The following HCK variants were observed in gnomAD, a reference collection of about 807,000 sequenced individuals.
HCK encodes the protein tyrosine-protein kinase HCK.
In HCK, 40 loss-of-function variants were observed where a neutral mutation model predicts 70.4. The ratio of observed to expected loss-of-function variants is 0.57; its 90% CI spans 0.44 to 0.74. The LOEUF is 0.74. Among genes scored for constraint, HCK ranks in the 30% least tolerant of loss-of-function variants. HCK has a pLI of 0.00. For missense variants in HCK, 568 were observed against 697.2 expected (o/e 0.81, Z 2.09); for synonymous variants, 245 against 263.2 (o/e 0.93, Z 0.67).
chr20:32,069,808 G>A, intron 1 of HCK: 1 of 1,220,742 alleles, frequency 8.2e-7, no homozygotes, highest in South Asian at 1.3e-5. Context: ...ACTCATCTAA[G>A]CCTAGGAGTT....
intron 1 of HCK, among the ~76,000 whole-genome samples, chr20:32,071,414 G>A (rs113954151): frequency 1.3e-5 from 2 of 152,360 alleles, no homozygotes; most frequent in African/African-American, 4.8e-5. Flanking sequence ...TGGTACCCAC[G>A]ACAATGACAG....
chr20:32,054,391 C>T (rs948482525), intron 1 of HCK: 2 of 430,730 alleles, frequency 4.6e-6, no homozygotes, highest in Admixed American at 5.0e-5. Context: ...AGGAGAATCG[C>T]TTGAACCCGG....
rs112680409 is a variant in HCK, at chr20:32,080,619, G to A, written c.532+742G>A. On this transcript the variant is annotated intron_variant, in intron 6 of 12. Coordinates refer to ENST00000375852, the MANE Select transcript of HCK (RefSeq NM_002110.5). The stretch of plus-strand genomic sequence containing the variant: ...AATGATTCTCCCATCTCAGTCTCCC[G>A]AGTAGCTGGGACTACAGGTACGTGC... Among the ~76,000 whole-genome samples, 898 of 152,172 alleles carry A rather than the reference G, an allele frequency of 5.9e-3. 12 individuals are homozygous for A. The highest frequency in any genetic ancestry group is 0.021 in the African/African-American group (861 of 41,512).
intron 1 of HCK, among the ~76,000 whole-genome samples, chr20:32,061,709 C>G (rs995221886): frequency 6.6e-6 from 1 of 152,086 alleles, no homozygotes; most frequent in Non-Finnish European, 1.5e-5. Context: ...AGAAACAGAA[C>G]ATGCAATGCC....
chr20:32,097,899 A>C (rs149047829), intron 11 of HCK, among the ~76,000 whole-genome samples: 1 of 152,232 alleles, frequency 6.6e-6, no homozygotes, highest in African/African-American at 2.4e-5. Context: ...TAACTATGCC[A>C]GGTGCGGTGG....
chr20:32,074,824 C>A, intron 5 of HCK, 103 bp downstream of exon 5: 1 of 774,412 alleles, frequency 1.3e-6, no homozygotes, highest in Non-Finnish European at 2.2e-6. Flanking sequence ...CTGGCACATA[C>A]TCTTCCCAGG....
intron 9 of HCK, 104 bp downstream of exon 9, chr20:32,086,911 C>A: frequency 1.9e-6 from 2 of 1,037,482 alleles, no homozygotes; most frequent in Non-Finnish European, 2.7e-6. Context: ...TGGCCCCAAT[C>A]TGGCCAGGAG....
chr20:32,061,246 T>G (rs1375625926), intron 1 of HCK, among the ~76,000 whole-genome samples: 2 of 152,204 alleles, frequency 1.3e-5, no homozygotes, highest in African/African-American at 4.8e-5. Context: ...CCTCCCAAAG[T>G]GCTGGGATTA....
intron 1 of HCK, among the ~76,000 whole-genome samples, chr20:32,070,915 G>A (rs2045526864): frequency 1.4e-5 from 2 of 145,682 alleles, no homozygotes; most frequent in South Asian, 4.5e-4. Flanking sequence ...GAGGACAGAG[G>A]AGGGGGAAGG....
At chr20:32,058,448 C>T (rs2045307651) in intron 1 of HCK, among the ~76,000 whole-genome samples, 1 of 150,882 alleles carries the variant, frequency 6.6e-6, no homozygotes, top group African/African-American at 2.4e-5. Context: ...AGGAGAATTG[C>T]TGGAACCCGG....
intron 5 of HCK, among the ~76,000 whole-genome samples, chr20:32,077,449 G>A (rs775451607): frequency 3.7e-4 from 56 of 152,142 alleles, no homozygotes; most frequent in Non-Finnish European, 7.1e-4. Flanking sequence ...TCACACAAGT[G>A]GTAGATACCA....
At position 32,052,464 on chromosome 20, in the gene HCK, C is replaced by A; in HGVS notation, c.40C>A (p.Arg14=). The change falls in exon 1 of 13, where the codon CGA becomes AGA. Residue 14 remains arginine (R), a synonymous_variant. Transcript: ENST00000375852. ...AAGCTGCGAGGATCCGGGCTGCCCG[C>A]GAGACGAGGAGCGGGCGCCCAGGTG... 1 of 1,265,472 alleles carries A rather than the reference C, an allele frequency of 7.9e-7. No individual in the cohort carries two copies. Among genetic ancestry groups the A allele is most frequent in the South Asian group, 3.2e-5 (1 of 31,358 alleles). 78.4% of individuals were successfully genotyped at this position (1,265,472 alleles called of 1,614,324 possible).
chr20:32,055,385 C>A (rs1047981910), intron 1 of HCK, among the ~76,000 whole-genome samples: 2 of 152,100 alleles, frequency 1.3e-5, no homozygotes, highest in Admixed American at 1.3e-4. Context: ...GAAGCATGAA[C>A]CTTTTGAGGG....
intron 1 of HCK, among the ~76,000 whole-genome samples, chr20:32,056,557 G>A (rs2045275924): frequency 6.6e-6 from 1 of 151,842 alleles, no homozygotes; most frequent in African/African-American, 2.4e-5. Context: ...ACTTTTTGAG[G>A]AACTGCTATG....
intron 11 of HCK, among the ~76,000 whole-genome samples, chr20:32,098,515 A>C (rs1238782766): frequency 6.6e-6 from 1 of 152,120 alleles, no homozygotes; most frequent in African/African-American, 2.4e-5. Context: ...AAGGCTAACT[A>C]AACCCATGTC....
chr20:32,073,539 G>A (rs927217467), intron 3 of HCK, among the ~76,000 whole-genome samples, 177 bp from the exon 4 acceptor site: 1 of 152,216 alleles, frequency 6.6e-6, no homozygotes, highest in Non-Finnish European at 1.5e-5. Flanking sequence ...TTAGTAACAT[G>A]AACAAAACAT....
chr20:32,061,261 C>T lies in HCK; in HGVS notation c.62+8775C>T, dbSNP rs866530347. Reference sequence around the variant, plus strand: ...CCTCCCAAAGTGCTGGGATTACAGGCGTGAGCCACTGCGCCCAGCTGCCGT... The same window carrying T: ...CCTCCCAAAGTGCTGGGATTACAGGTGTGAGCCACTGCGCCCAGCTGCCGT... On this transcript the variant is annotated intron_variant, in intron 1 of 12. Coordinates refer to ENST00000375852, the MANE Select transcript of HCK (RefSeq NM_002110.5). Among the ~76,000 whole-genome samples, 32 of 152,310 alleles carry T rather than the reference C, an allele frequency of 2.1e-4. 1 individual carries two copies. The highest frequency in any genetic ancestry group is 3.4e-3 in the Middle Eastern group (1 of 294).
intron 3 of HCK, 88 bp downstream of exon 3, chr20:32,073,449 A>G: frequency 1.7e-6 from 2 of 1,178,524 alleles, no homozygotes; most frequent in Non-Finnish European, 2.5e-6. Flanking sequence ...ATAAATCCCA[A>G]ACAGTCAAAC....
rs996322206 is a variant in HCK, at chr20:32,080,355, T to G, written c.532+478T>G. ...CTGGGATTACAAGTGCTCGCCACCA[T>G]GCCCAGCTAATTTTTGTATTTTTAG... On this transcript the variant is annotated intron_variant, in intron 6 of 12. Transcript: ENST00000375852. Among the ~76,000 whole-genome samples, 3 of 152,134 alleles carry G rather than the reference T, an allele frequency of 2.0e-5. No homozygotes were observed. The South Asian group carries it at 6.2e-4, about 32-fold the overall frequency.
Sources: allele counts gnomAD v4.1 joint callset (sites outside exome capture counted in the v4.1 genomes callset), GRCh38; gene constraint gnomAD v4.1.1; transcripts MANE v1.5; gene names NCBI Gene and HGNC (gene_info 2026-07-23, HGNC 2026-07-21).